TMEM266: variants seen among roughly 807,000 people sequenced by gnomAD.
TMEM266 encodes the protein transmembrane protein 266, also known as Hv1 related protein 1.
Under a neutral mutation model 50.5 loss-of-function variants are expected in TMEM266, and 33 were observed. The ratio of observed to expected loss-of-function variants is 0.65; its 90% CI spans 0.50 to 0.87. The LOEUF is 0.87. TMEM266 is among the 40% of genes least tolerant of loss of function. The pLI is 0.00. For missense variants in TMEM266, 655 were observed against 695.1 expected, an observed-to-expected ratio of 0.94 and a Z score of 0.65; for synonymous variants, 310 against 292.3, an observed-to-expected ratio of 1.06 and a Z score of -0.62.
Position 76,156,616 on chromosome 15 carries a change from G to A in TMEM266, c.240G>A (p.Leu80=), listed in dbSNP as rs1472244951. 2.5e-6 allele frequency: 4 copies of A among 1,613,932 alleles called. No homozygotes were observed. The African/African-American group carries it at 5.3e-5, about 22-fold the overall frequency. ...TTTGTCCCCACAGGTCTAACTGGCTGAAGCCGTGCTGTGGGAAGAGAGCAG... is the reference window on the plus strand; with the variant it reads ...TTTGTCCCCACAGGTCTAACTGGCTAAAGCCGTGCTGTGGGAAGAGAGCAG... Residue 80 remains leucine, a synonymous_variant, in exon 4 of 11, where the codon CTG becomes CTA. Transcript: ENST00000388942.
At chr15:76,182,702 C>T (rs1283657002) in intron 8 of TMEM266, among the ~76,000 whole-genome samples, 1 of 152,126 alleles carries the variant, frequency 6.6e-6, no homozygotes. Flanking sequence ...ATGATGGTTG[C>T]TCATTCACAA....
chr15:76,130,472 A>AG (rs1258316793), intron 1 of TMEM266, among the ~76,000 whole-genome samples: 1 of 152,148 alleles, frequency 6.6e-6, no homozygotes, highest in African/African-American at 2.4e-5. Context: ...ACTGGGATGT[A>AG]GGGGTTGCAG....
intron 3 of TMEM266, among the ~76,000 whole-genome samples, chr15:76,138,543 C>G (rs184843938): frequency 6.6e-6 from 1 of 152,312 alleles, no homozygotes; most frequent in Admixed American, 6.5e-5. Flanking sequence ...GGTCACAGAG[C>G]CCATAAGGGA....
At chr15:76,152,507 C>A (rs1395570963) in intron 3 of TMEM266, among the ~76,000 whole-genome samples, 2 of 152,172 alleles carry the variant, frequency 1.3e-5, no homozygotes, top group African/African-American at 4.8e-5. Flanking sequence ...GAGCTATACC[C>A]CCTGCTGAAG....
At position 76,204,408 on chromosome 15, in the gene TMEM266, A is replaced by T; in HGVS notation, c.*93A>T. The T allele has an allele frequency of 1.6e-6, 2 of 1,280,722 alleles. No individual in the cohort carries two copies. Among genetic ancestry groups the T allele is most frequent in the Non-Finnish European group, 2.1e-6 (2 of 931,196 alleles). The allele number at this position is 1,280,722 out of a possible 1,614,324, so 79.3% of individuals were successfully genotyped here. A position where few individuals can be genotyped will look rare whatever the true frequency, so the allele number is the denominator to read the frequency against. ...CTGCCAAGGGCCACACGCGGGGCCC[A>T]GGAGCCCACCTGGCCTCCCTCAGGG... On this transcript the variant is annotated 3_prime_UTR_variant, in exon 11 of 11. Transcript: ENST00000388942.
chr15:76,203,624 G>C, intron 10 of TMEM266, 117 bp from the exon 11 acceptor site: 1 of 923,962 alleles, frequency 1.1e-6, no homozygotes, highest in Non-Finnish European at 1.7e-6. Context: ...ACAAAGGCAC[G>C]GTCTCCTACA....
At chr15:76,156,836 C>A in intron 4 of TMEM266, 78 bp downstream of exon 4, 1 of 1,466,872 alleles carries the variant, frequency 6.8e-7, no homozygotes, top group East Asian at 2.3e-5. Flanking sequence ...TCAGGGGTCC[C>A]CAACCTGCAG....
At chr15:76,127,264 C>T (rs1000446323) in intron 1 of TMEM266, among the ~76,000 whole-genome samples, 4 of 150,186 alleles carry the variant, frequency 2.7e-5, no homozygotes, top group African/African-American at 9.8e-5. Context: ...CTCAGCTATG[C>T]GGGGGAAAAA....
intron 7 of TMEM266, among the ~76,000 whole-genome samples, chr15:76,174,543 A>G (rs938031011): frequency 6.6e-6 from 1 of 152,180 alleles, no homozygotes; most frequent in Non-Finnish European, 1.5e-5. Flanking sequence ...GCAAGATTCC[A>G]TCTCAAAATA....
At chr15:76,191,916 G>GC (rs1291720662) in intron 8 of TMEM266, 52 bp from the exon 9 acceptor site, 4 of 1,494,862 alleles carry the variant, frequency 2.7e-6, no homozygotes, top group East Asian at 2.6e-5. Context: ...CAGGCTGGAG[G>GC]CCCCCGCCGG....
At chr15:76,120,590 A>T (rs2037325284) in intron 1 of TMEM266, among the ~76,000 whole-genome samples, 1 of 151,788 alleles carries the variant, frequency 6.6e-6, no homozygotes, top group African/African-American at 2.4e-5. Context: ...GCGAAACCCC[A>T]TCTCTACTAA....
intron 1 of TMEM266, among the ~76,000 whole-genome samples, chr15:76,069,238 T>C (rs2036496949): frequency 6.6e-6 from 1 of 152,188 alleles, no homozygotes; most frequent in Admixed American, 6.5e-5. Flanking sequence ...TAGGTAGCTC[T>C]GTGAGGTCAC....
At position 76,170,859 on chromosome 15, in the gene TMEM266, C is replaced by A. The variant is rs376928624; in HGVS notation, c.514-134C>A. On this transcript the variant is annotated intron_variant, in intron 6 of 10. Transcript: ENST00000388942. ...CTCAGGAGGGTCAGGAGGGGCCACCCGGGGTGGGGTGGCCTTCTGGTGGGG... is the reference window on the plus strand; with the variant it reads ...CTCAGGAGGGTCAGGAGGGGCCACCAGGGGTGGGGTGGCCTTCTGGTGGGG... 62 of 1,070,234 alleles carry A rather than the reference C, an allele frequency of 5.8e-5. 1 individual carries two copies. In the African/African-American group the frequency reaches 6.4e-4, roughly 11 times the overall value. The allele number at this position is 1,070,234 out of a possible 1,614,324, so 66.3% of individuals were successfully genotyped here.
rs2456049 is a variant in TMEM266, at chr15:76,188,086, C to T, written c.769-3882C>T. 5.2e-3 allele frequency among the ~76,000 whole-genome samples: 794 copies of T among 151,696 alleles called. 5 individuals are homozygous for T. Among genetic ancestry groups the T allele is most frequent in the Middle Eastern group, 0.01 (3 of 292 alleles). ...CCATGCTAGGAGTATGCCTTCCCCC[C>T]CCACCCCGCCCCACTGGAACACCAC... On this transcript the variant is annotated intron_variant, in intron 8 of 10. Transcript: ENST00000388942.
chr15:76,179,917 G>A (rs563800866), intron 8 of TMEM266, among the ~76,000 whole-genome samples: 1 of 152,180 alleles, frequency 6.6e-6, no homozygotes, highest in Admixed American at 6.5e-5. Context: ...TGACACCACT[G>A]CACTCCAGCC....
intron 9 of TMEM266, among the ~76,000 whole-genome samples, chr15:76,194,995 C>G (rs923371822): frequency 6.6e-6 from 1 of 152,170 alleles, no homozygotes; most frequent in Non-Finnish European, 1.5e-5. Context: ...TTATCTCCTT[C>G]CACCCCAGCT....
rs1567174687 is a variant in TMEM266, at chr15:76,169,884, T to A, written c.513+12T>A. ...AAAACAAAATAGAGGTAAAGACCAA[T>A]GTCCACCCCCAAAGCCCCCACTCTG... On this transcript the variant is annotated intron_variant, in intron 6 of 10. Coordinates refer to ENST00000388942, the MANE Select transcript of TMEM266 (RefSeq NM_152335.3). 6.2e-7 allele frequency: 1 copy of A among 1,612,140 alleles called. No individual in the cohort carries two copies. The highest frequency in any genetic ancestry group is 1.1e-5 in the South Asian group (1 of 91,030).
chr15:76,142,584 A>G (rs986108866), intron 3 of TMEM266, among the ~76,000 whole-genome samples: 1 of 152,082 alleles, frequency 6.6e-6, no homozygotes, highest in Non-Finnish European at 1.5e-5. Context: ...CCTTGTCTTC[A>G]CCAACACTGG....
At chr15:76,203,394 G>A (rs2038781583) in intron 10 of TMEM266, among the ~76,000 whole-genome samples, 3 of 152,226 alleles carry the variant, frequency 2.0e-5, no homozygotes, top group Admixed American at 2.0e-4. Context: ...CCAGCACCCA[G>A]TTGACAGAAC....
Sources: allele counts gnomAD v4.1 joint callset (sites outside exome capture counted in the v4.1 genomes callset), GRCh38; gene constraint gnomAD v4.1.1; transcripts MANE v1.5; gene names NCBI Gene and HGNC (gene_info 2026-07-23, HGNC 2026-07-21).